Variants in TRERF1 observed in about 807,000 individuals in gnomAD.
TRERF1 encodes the protein transcriptional-regulating factor 1.
TRERF1 carries 27 observed loss-of-function variants against 122.9 expected under a neutral mutation model. That is an observed-to-expected ratio of 0.22 (90% confidence interval 0.16 to 0.30). TRERF1 has a LOEUF of 0.30. Ranked by LOEUF, TRERF1 falls within the 10% of genes least tolerant of loss-of-function variation. The pLI, the probability that TRERF1 is intolerant of heterozygous loss-of-function variation, is 1.00. For synonymous variants in TRERF1, 636 were observed against 641.7 expected (o/e 0.99, Z 0.13); for missense variants, 1,248 against 1,560.3 (o/e 0.80, Z 3.37).
intron 1 of TRERF1, among the ~76,000 whole-genome samples, chr6:42,451,466 G>C (rs767745097): frequency 2.6e-5 from 4 of 151,440 alleles, no homozygotes; most frequent in Non-Finnish European, 5.9e-5. Context: ...GAAGCTTTGG[G>C]TTTCCAAAGC....
chr6:42,323,223 G>T (rs1361882857), intron 3 of TRERF1, among the ~76,000 whole-genome samples: 6 of 149,624 alleles, frequency 4.0e-5, no homozygotes, highest in Non-Finnish European at 8.9e-5. Context: ...TTTTGAGATG[G>T]AGTCTCGCTC....
intron 2 of TRERF1, among the ~76,000 whole-genome samples, chr6:42,402,736 A>ACTACATCAGAC (rs1779574064): frequency 6.6e-6 from 1 of 152,230 alleles, no homozygotes; most frequent in African/African-American, 2.4e-5. Flanking sequence ...ACACCATGCT[A>ACTACATCAGAC]AGTGCCAGAT....
intron 4 of TRERF1, among the ~76,000 whole-genome samples, chr6:42,295,991 C>T (rs1393180612): frequency 2.6e-5 from 4 of 152,178 alleles, no homozygotes; most frequent in African/African-American, 7.2e-5. Context: ...AGGACATTCA[C>T]GACCCTTCTC....
intron 3 of TRERF1, among the ~76,000 whole-genome samples, chr6:42,325,253 T>C (rs867569412): frequency 1.1e-4 from 16 of 152,200 alleles, no homozygotes; most frequent in Middle Eastern, 3.4e-3. Flanking sequence ...AGTCAAAAAA[T>C]AACAGATGTT....
intron 2 of TRERF1, among the ~76,000 whole-genome samples, chr6:42,374,591 TCTGA>T (rs1172626608): frequency 6.6e-6 from 1 of 152,084 alleles, no homozygotes; most frequent in Non-Finnish European, 1.5e-5. Context: ...CTGCCAGAGC[TCTGA>T]CTGACAGAGC....
chr6:42,261,090 G>T (rs910562), intron 8 of TRERF1, among the ~76,000 whole-genome samples: 9,624 of 143,614 alleles, frequency 0.067, 610 homozygotes, highest in African/African-American at 0.17. Flanking sequence ...GCGCTCAACC[G>T]CCTCTTTTCT....
chr6:42,406,208 G>C (rs1018400954), intron 2 of TRERF1, among the ~76,000 whole-genome samples: 2 of 152,212 alleles, frequency 1.3e-5, no homozygotes, highest in Non-Finnish European at 2.9e-5. Context: ...CTGGCCCCAG[G>C]TGACTAACTC....
In TRERF1 at chr6:42,241,603, AG is replaced by A. The variant is rs560732698; in HGVS notation, c.2859+1644del. Among the ~76,000 whole-genome samples the A allele has an allele frequency of 1.6e-4, 25 of 152,126 alleles. 1 individual carries two copies. The South Asian group carries it at 4.8e-3, about 29-fold the overall frequency. On this transcript the variant is annotated intron_variant, in intron 15 of 17. Transcript: ENST00000372922. Reference sequence around the variant, plus strand: ...CAGCCTCCCGAGTAGCTGGGATTACAGGTGTGTGCTACCACGCCTGGCTAAT... The same window carrying A: ...CAGCCTCCCGAGTAGCTGGGATTACAGTGTGTGCTACCACGCCTGGCTAAT...
chr6:42,348,204 C>T (rs1003628359), intron 3 of TRERF1, among the ~76,000 whole-genome samples: 5 of 148,202 alleles, frequency 3.4e-5, no homozygotes, highest in Non-Finnish European at 5.9e-5. Flanking sequence ...CACACACATA[C>T]ACACACACAC....
In TRERF1 at chr6:42,276,245, G is replaced by C. The variant is rs1443935494; in HGVS notation, c.-258-6397C>G. Reference sequence around the variant, plus strand: ...GAGACACAGACAGAGAGATACACCAGGAGAGGAAGTTGACTTTGGCGGAGG... The same window carrying C: ...GAGACACAGACAGAGAGATACACCACGAGAGGAAGTTGACTTTGGCGGAGG... On this transcript the variant is annotated intron_variant, in intron 4 of 17. Transcript: ENST00000372922. This position sits in a 1 kb window ranked among gnomAD's most constrained non-coding sequence, Gnocchi z 4.3. Among the ~76,000 whole-genome samples the C allele has an allele frequency of 6.6e-6, 1 of 152,220 alleles. No individual in the cohort carries two copies. Among genetic ancestry groups the C allele is most frequent in the Non-Finnish European group, 1.5e-5 (1 of 68,042 alleles).
chr6:42,435,929 G>C (rs573372641), intron 2 of TRERF1, among the ~76,000 whole-genome samples: 1 of 150,408 alleles, frequency 6.6e-6, no homozygotes, highest in Admixed American at 6.6e-5. Context: ...GCAGTGAGCT[G>C]AGATTGCACC....
At chr6:42,405,438 T>C (rs987201792) in intron 2 of TRERF1, among the ~76,000 whole-genome samples, 1 of 152,044 alleles carries the variant, frequency 6.6e-6, no homozygotes, top group African/African-American at 2.4e-5. Context: ...AGGATTTAAA[T>C]TAGATGATGT....
At chr6:42,414,756 C>T (rs1013381302) in intron 2 of TRERF1, among the ~76,000 whole-genome samples, 7 of 152,200 alleles carry the variant, frequency 4.6e-5, no homozygotes, top group African/African-American at 1.7e-4. Flanking sequence ...GTGTCAAAAC[C>T]CACTAAGGTA....
chr6:42,354,026 ATG>A (rs1770022615), intron 3 of TRERF1, among the ~76,000 whole-genome samples: 1 of 152,222 alleles, frequency 6.6e-6, no homozygotes, highest in Non-Finnish European at 1.5e-5. Flanking sequence ...GCTAGAATAT[ATG>A]TACCCATTAC....
rs390860 is a variant in TRERF1, at chr6:42,368,948, A to G, written c.-453-5869T>C. Among the ~76,000 whole-genome samples the G allele has an allele frequency of 6.8e-3, 1,033 of 152,294 alleles. 14 individuals are homozygous for G. Among genetic ancestry groups the G allele is most frequent in the African/African-American group, 0.024 (997 of 41,548 alleles). On this transcript the variant is annotated intron_variant, in intron 2 of 17. Coordinates refer to ENST00000372922, the Ensembl canonical transcript of TRERF1. ...AGAATAGTAACATTTTAGGGCTAAA[A>G]TGAGCAATTAAGATGACCCGAATCC...
intron 2 of TRERF1, among the ~76,000 whole-genome samples, chr6:42,392,334 A>G (rs1434778945): frequency 3.3e-5 from 5 of 152,224 alleles, no homozygotes; most frequent in Non-Finnish European, 1.5e-5. Context: ...GAGGATAATA[A>G]TCATGTATTC....
chr6:42,250,968 T>C (rs902194774), intron 13 of TRERF1, among the ~76,000 whole-genome samples: 2 of 150,720 alleles, frequency 1.3e-5, no homozygotes, highest in African/African-American at 4.9e-5. Context: ...ACTTCTATTA[T>C]AATTTTTTTC....
chr6:42,287,364 C>G (rs1357614899), intron 4 of TRERF1, among the ~76,000 whole-genome samples: 1 of 151,886 alleles, frequency 6.6e-6, no homozygotes, highest in Admixed American at 6.6e-5. Flanking sequence ...GGATTAAATC[C>G]TCAGTTGGCT....
chr6:42,419,830 G>C (rs1373466069), intron 2 of TRERF1, among the ~76,000 whole-genome samples: 2 of 152,166 alleles, frequency 1.3e-5, no homozygotes, highest in African/African-American at 2.4e-5. Context: ...GGCAGAATGT[G>C]AGGAACAAGA....
Sources: allele counts gnomAD v4.1 joint callset (sites outside exome capture counted in the v4.1 genomes callset), GRCh38; gene constraint gnomAD v4.1.1; non-coding constraint Gnocchi (gnomAD v3.1); transcripts MANE v1.5; gene names NCBI Gene and HGNC (gene_info 2026-07-23, HGNC 2026-07-21).